NXPE2: variants seen among roughly 807,000 people sequenced by gnomAD.
The protein encoded by NXPE2 is NXPE family member 2.
NXPE2 carries 34 observed loss-of-function variants against 34.4 expected under a neutral mutation model. The ratio of observed to expected loss-of-function variants is 0.99; its 90% confidence interval spans 0.75 to 1.31. The LOEUF (loss-of-function observed/expected upper bound fraction) is 1.31. Among genes scored for constraint, NXPE2 ranks in the 40% most tolerant of loss-of-function variants. The pLI, the probability that NXPE2 is intolerant of heterozygous loss-of-function variation, is 0.00. For synonymous variants in NXPE2, 235 were observed against 231.3 expected (o/e 1.02, Z -0.15); for missense variants, 649 against 672.5 (o/e 0.97, Z 0.39).
the NXPE2 span, among the ~76,000 whole-genome samples, chr11:114,640,216 G>A: frequency 4.7e-3 from 622 of 131,888 alleles, 10 homozygotes; most frequent in African/African-American, 0.017. Flanking sequence ...ATTTTAAAAT[G>A]TAATTTATAT....
At chr11:114,539,652 TTAAC>T in the NXPE2 span, among the ~76,000 whole-genome samples, 8 of 152,174 alleles carry the variant, frequency 5.3e-5, no homozygotes, top group South Asian at 2.1e-4. Context: ...TGGAATCTGA[TTAAC>T]TAATTCCAAA....
rs531870512 is a variant in NXPE2, at chr11:114,698,364, G to A, written c.452G>A (p.Arg151Lys). 156 of 1,613,980 alleles carry A rather than the reference G, an allele frequency of 9.7e-5. 1 individual carries two copies. In the East Asian group the frequency reaches 3.4e-3, roughly 35 times the overall value. ...AAGCAATATGGTGGGGATTTCCTGA[G>A]GGCCAGGATGTACTCCACAGCACTA... ...HRKQYGGDFL[R>K]ARMYSTALMA... Residue 151 changes from arginine (R) to lysine (K), a missense_variant, in exon 3 of 6, where the codon AGG (arginine) becomes AAG (lysine). Transcript: ENST00000389586.
At chr11:114,610,019 T>A in the NXPE2 span, among the ~76,000 whole-genome samples, 2 of 151,712 alleles carry the variant, frequency 1.3e-5, no homozygotes, top group Non-Finnish European at 2.9e-5. Flanking sequence ...ATAATACATG[T>A]TGCCTCGTGG....
At chr11:114,559,372 C>T in the NXPE2 span, among the ~76,000 whole-genome samples, 1 of 152,154 alleles carries the variant, frequency 6.6e-6, no homozygotes, top group Non-Finnish European at 1.5e-5. Flanking sequence ...ATACATTTTC[C>T]ACCCAAACAA....
At chr11:114,479,249 G>A in the NXPE2 span, among the ~76,000 whole-genome samples, 7 of 152,156 alleles carry the variant, frequency 4.6e-5, no homozygotes, top group Non-Finnish European at 8.8e-5. Context: ...GCCTTTGAAC[G>A]TTTTAAAGCC....
chr11:114,467,820 C>T, the NXPE2 span, among the ~76,000 whole-genome samples: 1 of 151,914 alleles, frequency 6.6e-6, no homozygotes, highest in African/African-American at 2.4e-5. Context: ...ACCGTAGTCC[C>T]AACTACTTGG....
the NXPE2 span, among the ~76,000 whole-genome samples, chr11:114,535,494 G>A: frequency 6.6e-6 from 1 of 152,152 alleles, no homozygotes; most frequent in Admixed American, 6.5e-5. Context: ...TGGCAAATTG[G>A]ATAAAGAGTC....
At chr11:114,788,791 A>G in the NXPE2 span, among the ~76,000 whole-genome samples, 84 of 152,234 alleles carry the variant, frequency 5.5e-4, no homozygotes, top group Non-Finnish European at 1.0e-3. Flanking sequence ...TTTCCATAGT[A>G]CATTGTGTGG....
At chr11:114,493,293 G>C in the NXPE2 span, among the ~76,000 whole-genome samples, 1 of 152,074 alleles carries the variant, frequency 6.6e-6, no homozygotes, top group Admixed American at 6.6e-5. Flanking sequence ...TTTGATTGAA[G>C]AGTTTAGTTC....
At chr11:114,499,452 G>A in the NXPE2 span, among the ~76,000 whole-genome samples, 1 of 151,570 alleles carries the variant, frequency 6.6e-6, no homozygotes, top group Non-Finnish European at 1.5e-5. Context: ...TATATTTAAG[G>A]CTATAAAATT....
At chr11:114,545,149 C>CT in the NXPE2 span, among the ~76,000 whole-genome samples, 1 of 152,168 alleles carries the variant, frequency 6.6e-6, no homozygotes, top group Non-Finnish European at 1.5e-5. Flanking sequence ...TTGAAAGACA[C>CT]TTTGATAATA....
chr11:114,495,359 C>T, the NXPE2 span, among the ~76,000 whole-genome samples: 1 of 151,876 alleles, frequency 6.6e-6, no homozygotes. Context: ...GGGCCCGGGC[C>T]TATAGTTGAG....
chr11:114,522,868 T>G, the NXPE2 span: 1 of 1,581,932 alleles, frequency 6.3e-7, no homozygotes, highest in Non-Finnish European at 8.7e-7. Flanking sequence ...GAATATAAAG[T>G]AACTACCTAC....
the NXPE2 span, among the ~76,000 whole-genome samples, chr11:114,722,726 C>T: frequency 6.6e-6 from 1 of 152,166 alleles, no homozygotes; most frequent in African/African-American, 2.4e-5. Flanking sequence ...ATCCTGTACA[C>T]TGTTTTTGGC....
the NXPE2 span, among the ~76,000 whole-genome samples, chr11:114,615,231 G>T: frequency 7.9e-5 from 12 of 151,958 alleles, no homozygotes; most frequent in Admixed American, 2.6e-4. Context: ...TCGCCTCTTG[G>T]GTAACCACTG....
chr11:114,684,446 A>G (rs1038951284), intron 2 of NXPE2, among the ~76,000 whole-genome samples: 1 of 152,108 alleles, frequency 6.6e-6, no homozygotes, highest in South Asian at 2.1e-4. Flanking sequence ...AAAAGAAAAA[A>G]AAATAGATTT....
chr11:114,490,627 G>A, the NXPE2 span, among the ~76,000 whole-genome samples: 9 of 152,334 alleles, frequency 5.9e-5, no homozygotes, highest in African/African-American at 1.9e-4. Context: ...AATAAATGGT[G>A]CTGGGAAAAC....
At chr11:114,583,803 A>G in the NXPE2 span, 1 of 436,052 alleles carries the variant, frequency 2.3e-6, no homozygotes, top group Admixed American at 2.8e-5. Context: ...GATGGCATGG[A>G]AGAGGCCTTC....
chr11:114,618,729 G>A, the NXPE2 span, among the ~76,000 whole-genome samples: 1 of 152,010 alleles, frequency 6.6e-6, no homozygotes, highest in Non-Finnish European at 1.5e-5. Context: ...CTTACCCTGT[G>A]GAAAATAAGT....
Sources: gnomAD v4.1 joint callset for allele counts (sites outside exome capture counted in the v4.1 genomes callset) on GRCh38, gnomAD v4.1.1 for gene constraint, MANE v1.5 for transcripts, NCBI Gene and HGNC (gene_info 2026-07-23, HGNC 2026-07-21) for gene names.